The following CA5A variants were observed in gnomAD, a reference collection of about 807,000 sequenced individuals.
The protein encoded by CA5A is carbonic anhydrase 5A, also known as carbonic anhydrase 5A, mitochondrial.
In CA5A, 28 loss-of-function variants were observed where a neutral mutation model predicts 37.1. The ratio of observed to expected loss-of-function variants is 0.75; its 90% confidence interval spans 0.56 to 1.03. The LOEUF is 1.03. Among genes scored for constraint, CA5A ranks in the 50% least tolerant of loss-of-function variants. The pLI, the probability that CA5A is intolerant of heterozygous loss-of-function variation, is 0.00. For synonymous variants in CA5A, 171 were observed against 158.4 expected, an observed-to-expected ratio of 1.08 and a Z score of -0.60; for missense variants, 444 against 399.9, an observed-to-expected ratio of 1.11 and a Z score of -0.94.
At chr16:87,909,467 G>T (rs1195701342) in intron 2 of CA5A, among the ~76,000 whole-genome samples, 2 of 152,236 alleles carry the variant, frequency 1.3e-5, no homozygotes, top group South Asian at 2.1e-4. Flanking sequence ...GCAAAGGAAG[G>T]CTGGGCCGCT....
At chr16:87,889,170 C>T (rs1331021850) in intron 6 of CA5A, among the ~76,000 whole-genome samples, 1 of 152,000 alleles carries the variant, frequency 6.6e-6, no homozygotes, top group African/African-American at 2.4e-5. Flanking sequence ...CCACCTGCCT[C>T]GGCCTCCCAA....
chr16:87,933,199 C>T (rs989020584), intron 1 of CA5A, among the ~76,000 whole-genome samples: 7 of 152,176 alleles, frequency 4.6e-5, no homozygotes, highest in African/African-American at 1.7e-4. Flanking sequence ...GTTTAATAAG[C>T]CGTTCTCCCA....
Position 87,911,468 on chromosome 16 carries a change from G to C in CA5A, c.341-6564C>G, listed in dbSNP as rs957252076. On this transcript the variant is annotated intron_variant, in intron 2 of 6. Coordinates refer to ENST00000649794, the MANE Select transcript of CA5A (RefSeq NM_001739.2). This position sits in a 1 kb window ranked among gnomAD's most constrained non-coding sequence, Gnocchi z 4.6. ...AGCAGGCTTTTGGCAGGCACGGGTT[G>C]TTTGAAGGCTTAAAATTAGTACACG... Among the ~76,000 whole-genome samples, 5 of 152,198 alleles carry C rather than the reference G, an allele frequency of 3.3e-5. No homozygotes were observed. Among genetic ancestry groups the C allele is most frequent in the African/African-American group, 1.2e-4 (5 of 41,456 alleles).
intron 1 of CA5A, among the ~76,000 whole-genome samples, chr16:87,927,879 A>G (rs565462298): frequency 1.3e-3 from 195 of 150,092 alleles, no homozygotes; most frequent in African/African-American, 4.7e-3. Flanking sequence ...AAAAAAATGC[A>G]GAAAAGCTTA....
intron 6 of CA5A, among the ~76,000 whole-genome samples, chr16:87,890,503 G>C (rs1234746043): frequency 1.3e-5 from 2 of 152,234 alleles, no homozygotes; most frequent in Non-Finnish European, 2.9e-5. Context: ...CGTCTGCCGG[G>C]CGGGGGCGGG....
intron 2 of CA5A, among the ~76,000 whole-genome samples, chr16:87,913,818 C>G (rs534751374): frequency 6.6e-6 from 1 of 152,182 alleles, no homozygotes; most frequent in Non-Finnish European, 1.5e-5. Flanking sequence ...CTTGCAGGCT[C>G]GCTGAGTAGA....
intron 5 of CA5A, chr16:87,892,285 G>A (rs1164130457): frequency 2.8e-5 from 5 of 176,836 alleles, no homozygotes; most frequent in Non-Finnish European, 4.8e-5. Flanking sequence ...CGAGGCGGGT[G>A]CATCACTTGA....
At chr16:87,908,848 CT>C (rs1330742591) in intron 2 of CA5A, among the ~76,000 whole-genome samples, 1 of 152,102 alleles carries the variant, frequency 6.6e-6, no homozygotes, top group African/African-American at 2.4e-5. Flanking sequence ...CAGAGTTTCA[CT>C]CTGTCGCCCA....
At chr16:87,903,965 C>G (rs550527204) in intron 3 of CA5A, among the ~76,000 whole-genome samples, 3 of 152,258 alleles carry the variant, frequency 2.0e-5, no homozygotes, top group Non-Finnish European at 4.4e-5. Context: ...CCCAAAAAAA[C>G]TACAAAAACC....
intron 5 of CA5A, among the ~76,000 whole-genome samples, chr16:87,896,934 G>C (rs1180546745): frequency 6.6e-6 from 1 of 152,216 alleles, no homozygotes; most frequent in African/African-American, 2.4e-5. Flanking sequence ...GCCACGCTCT[G>C]TTCCTGGTTT....
intron 6 of CA5A, among the ~76,000 whole-genome samples, chr16:87,889,802 A>G (rs2055687839): frequency 6.6e-6 from 1 of 152,182 alleles, no homozygotes; most frequent in African/African-American, 2.4e-5. Context: ...AAAATAAAAA[A>G]AGACTTTTTA....
chr16:87,900,368 C>G (rs1195044074), intron 5 of CA5A, among the ~76,000 whole-genome samples: 1 of 152,150 alleles, frequency 6.6e-6, no homozygotes, highest in African/African-American at 2.4e-5. Context: ...GGTCCCAGTC[C>G]CAGGAGGCCA....
At chr16:87,893,213 T>C (rs943636438) in intron 5 of CA5A, 51 of 424,480 alleles carry the variant, frequency 1.2e-4, no homozygotes, top group Non-Finnish European at 3.8e-5. Flanking sequence ...CTGCAGCCTC[T>C]GCTTCCTGGG....
chr16:87,892,235 C>T (rs549622346), intron 5 of CA5A: 16 of 281,050 alleles, frequency 5.7e-5, no homozygotes, highest in South Asian at 7.4e-5. Flanking sequence ...TTTCTTGGGG[C>T]GCAGTAGCTC....
intron 5 of CA5A, among the ~76,000 whole-genome samples, chr16:87,899,918 TCAAAAAAAAA>T (rs2055854095): frequency 3.7e-5 from 1 of 27,394 alleles, no homozygotes; most frequent in African/African-American, 1.7e-4. Flanking sequence ...AGATTTTATC[TCAAAAAAAAA>T]AAAAAAAAAA....
intron 2 of CA5A, among the ~76,000 whole-genome samples, chr16:87,918,772 C>T (rs1057238784): frequency 6.6e-6 from 1 of 152,110 alleles, no homozygotes; most frequent in Non-Finnish European, 1.5e-5. Context: ...TCTAGCCCTA[C>T]CTGTCCTTCA....
Position 87,926,471 on chromosome 16 carries a change from C to T in CA5A, c.340+277G>A, listed in dbSNP as rs896340294. ...TCCTCCCACCCGCTGCAAGGCGAGC[C>T]CCACGGGAAGGGGATTTTCTTTGCT... On this transcript the variant is annotated intron_variant, in intron 2 of 6. Coordinates refer to ENST00000649794, the MANE Select transcript of CA5A (RefSeq NM_001739.2). Among the ~76,000 whole-genome samples the T allele has an allele frequency of 1.7e-4, 26 of 152,328 alleles. No homozygotes were observed. The highest frequency in any genetic ancestry group is 6.3e-4 in the African/African-American group (26 of 41,582).
intron 2 of CA5A, among the ~76,000 whole-genome samples, chr16:87,917,782 A>G (rs546348491): frequency 6.9e-6 from 1 of 144,668 alleles, no homozygotes; most frequent in Non-Finnish European, 1.5e-5. Context: ...GCACACATGC[A>G]CACATGTATA....
chr16:87,913,305 C>CTTTTTTTTTT lies in CA5A; in HGVS notation c.341-8411_341-8402dup, dbSNP rs56257660. ...ATCAACAGGTTTTGAATGTTCCAGT[C>CTTTTTTTTTT]TTTTTTTTTTTTTTGAGTCAGGGGT... On this transcript the variant is annotated intron_variant, in intron 2 of 6. Coordinates refer to ENST00000649794, the MANE Select transcript of CA5A (RefSeq NM_001739.2). Among the ~76,000 whole-genome samples the CTTTTTTTTTT allele has an allele frequency of 2.9e-4, 39 of 133,318 alleles. 1 individual carries two copies. The highest frequency in any genetic ancestry group is 1.2e-3 in the African/African-American group (37 of 31,798). 87.5% of individuals were successfully genotyped at this position (133,318 alleles called of 152,430 possible).
Sources: allele counts gnomAD v4.1 joint callset (sites outside exome capture counted in the v4.1 genomes callset), GRCh38; gene constraint gnomAD v4.1.1; non-coding constraint Gnocchi (gnomAD v3.1); transcripts MANE v1.5; gene names NCBI Gene and HGNC (gene_info 2026-07-23, HGNC 2026-07-21).